Variants in PAICS observed in about 807,000 individuals in gnomAD.
PAICS encodes bifunctional phosphoribosylaminoimidazole carboxylase/phosphoribosylaminoimidazole succinocarboxamide synthetase.
In PAICS, 33 loss-of-function variants were observed where a neutral mutation model predicts 53.7. That is an observed-to-expected ratio of 0.61 (90% CI 0.47 to 0.82). The LOEUF is 0.82. Among genes scored for constraint, PAICS ranks in the 40% least tolerant of loss-of-function variants. The pLI, the probability that PAICS is intolerant of heterozygous loss-of-function variation, is 0.00. For synonymous variants in PAICS, 141 were observed against 167.2 expected (o/e 0.84, Z 1.21); for missense variants, 394 against 494.1 (o/e 0.80, Z 1.92).
At chr4:56,449,365 C>T (rs1449394142) in intron 5 of PAICS, among the ~76,000 whole-genome samples, 1 of 152,116 alleles carries the variant, frequency 6.6e-6, no homozygotes, top group African/African-American at 2.4e-5. Context: ...AGTCAGGAAA[C>T]AACAGATGCT....
At chr4:56,426,360 C>A in the PAICS span, among the ~76,000 whole-genome samples, 1 of 152,036 alleles carries the variant, frequency 6.6e-6, no homozygotes, top group Non-Finnish European at 1.5e-5. Flanking sequence ...CGTGGTCACA[C>A]CACTGCACTC....
chr4:56,431,463 T>C (rs1717581997), upstream of PAICS: 60 of 977,546 alleles, frequency 6.1e-5, no homozygotes, highest in Non-Finnish European at 7.2e-5. Context: ...CCTGAGATCA[T>C]TACAAATCAG....
chr4:56,436,019 C>G (rs1717912890), upstream of PAICS: 2 of 1,522,950 alleles, frequency 1.3e-6, no homozygotes, highest in South Asian at 1.1e-5. Flanking sequence ...CCAGTGCGCG[C>G]CACTTTTCGC....
intron 8 of PAICS, among the ~76,000 whole-genome samples, chr4:56,457,662 G>GT (rs756911104): frequency 0.12 from 15,941 of 127,728 alleles, 1,451 homozygotes; most frequent in African/African-American, 0.26. Flanking sequence ...TTAGAATTAA[G>GT]TTTTTTTTTT....
At chr4:56,438,753 T>TATAC (rs1348829049) in intron 1 of PAICS, among the ~76,000 whole-genome samples, 1 of 152,134 alleles carries the variant, frequency 6.6e-6, no homozygotes, top group Non-Finnish European at 1.5e-5. Flanking sequence ...TTTAACCCTA[T>TATAC]ATACACAAAA....
the PAICS span, among the ~76,000 whole-genome samples, chr4:56,430,444 C>G: frequency 6.6e-6 from 1 of 152,092 alleles, no homozygotes; most frequent in Non-Finnish European, 1.5e-5. Flanking sequence ...AGGGCAGGGA[C>G]CACATCTGCC....
At chr4:56,412,772 AT>A in the PAICS span, among the ~76,000 whole-genome samples, 1 of 152,166 alleles carries the variant, frequency 6.6e-6, no homozygotes, top group Admixed American at 6.5e-5. Flanking sequence ...CCAGAACTTC[AT>A]CATGTCTCAT....
At chr4:56,439,237 T>C (rs542608017) in intron 1 of PAICS, among the ~76,000 whole-genome samples, 1 of 152,168 alleles carries the variant, frequency 6.6e-6, no homozygotes, top group African/African-American at 2.4e-5. Flanking sequence ...ACTGTTTTTT[T>C]TGTTTTTGTT....
chr4:56,425,525 T>C, the PAICS span: 3 of 211,482 alleles, frequency 1.4e-5, no homozygotes, highest in Non-Finnish European at 2.5e-5. Flanking sequence ...ATTTGTACTG[T>C]TGGTAATATT....
the PAICS span, among the ~76,000 whole-genome samples, chr4:56,429,340 T>C: frequency 6.6e-6 from 1 of 152,186 alleles, no homozygotes; most frequent in African/African-American, 2.4e-5. Flanking sequence ...GCAATTATTG[T>C]TATCAGATGT....
chr4:56,447,077 G>A (rs1037516474), intron 3 of PAICS, among the ~76,000 whole-genome samples: 2 of 150,436 alleles, frequency 1.3e-5, no homozygotes, highest in Non-Finnish European at 3.0e-5. Flanking sequence ...TAAAAAGAAA[G>A]CATCTGAAAA....
intron 1 of PAICS, among the ~76,000 whole-genome samples, chr4:56,436,825 T>A (rs1718008830): frequency 6.6e-6 from 1 of 151,982 alleles, no homozygotes; most frequent in Non-Finnish European, 1.5e-5. Context: ...CGAAACCCCG[T>A]CTCTTACTAA....
At chr4:56,429,715 A>G in the PAICS span, among the ~76,000 whole-genome samples, 1 of 152,210 alleles carries the variant, frequency 6.6e-6, no homozygotes, top group East Asian at 1.9e-4. Flanking sequence ...AAAATTTTAC[A>G]AAGTAGACAC....
chr4:56,423,991 T>G, the PAICS span, among the ~76,000 whole-genome samples: 1 of 152,210 alleles, frequency 6.6e-6, no homozygotes, highest in African/African-American at 2.4e-5. Flanking sequence ...AAAATTCACA[T>G]GAAATAGTCT....
At position 56,450,610 on chromosome 4, in the gene PAICS, A is replaced by G. The variant is rs1342710470; in HGVS notation, c.688-9A>G. ...ACTTGTTTTCTAAACTTTCTATCTT[A>G]TTTTCTAGTCTTATCGGGACCTCAA... On this transcript the variant is annotated splice_polypyrimidine_tract_variant and intron_variant, in intron 5 of 8. Transcript: ENST00000512576. 1 of 1,429,336 alleles carries G rather than the reference A, an allele frequency of 7.0e-7. No homozygotes were observed. The highest frequency in any genetic ancestry group is 9.6e-7 in the Non-Finnish European group (1 of 1,037,746). 88.5% of individuals were successfully genotyped at this position (1,429,336 alleles called of 1,614,324 possible).
the PAICS span, chr4:56,410,542 G>C: frequency 1.0e-6 from 1 of 986,750 alleles, no homozygotes; most frequent in Non-Finnish European, 1.2e-6. Flanking sequence ...GAAAGCACTG[G>C]ACTGAGGAGG....
At chr4:56,452,464 C>T (rs1177302157) in intron 7 of PAICS, among the ~76,000 whole-genome samples, 2 of 152,328 alleles carry the variant, frequency 1.3e-5, no homozygotes, top group South Asian at 2.1e-4. Flanking sequence ...CATGAGCCAC[C>T]ACGCCTGGCC....
chr4:56,452,679 G>A (rs1718978745), intron 7 of PAICS, among the ~76,000 whole-genome samples: 1 of 152,190 alleles, frequency 6.6e-6, no homozygotes, highest in Non-Finnish European at 1.5e-5. Context: ...GGCCCCCACA[G>A]TTACAGGAGG....
chr4:56,449,649 A>T (rs1252252918), intron 5 of PAICS, among the ~76,000 whole-genome samples: 1 of 152,088 alleles, frequency 6.6e-6, no homozygotes, highest in East Asian at 1.9e-4. Flanking sequence ...AAAATGTGAT[A>T]TACACACACC....
Sources: gnomAD v4.1 joint callset for allele counts (sites outside exome capture counted in the v4.1 genomes callset) on GRCh38, gnomAD v4.1.1 for gene constraint, MANE v1.5 for transcripts, NCBI Gene and HGNC (gene_info 2026-07-23, HGNC 2026-07-21) for gene names.